MYH4: variants seen among roughly 807,000 people sequenced by gnomAD.
The protein encoded by MYH4 is myosin-4.
In MYH4, 200 loss-of-function variants were observed where a neutral mutation model predicts 229.9. The observed-to-expected ratio is 0.87, with a 90% CI of 0.78 to 0.98. The LOEUF is 0.98. Among genes scored for constraint, MYH4 ranks in the 50% least tolerant of loss-of-function variants. The probability of loss-of-function intolerance (pLI) is 0.00; values close to 1 mark genes in which losing one functional copy is unlikely to be tolerated. For missense variants in MYH4, 2,148 were observed against 2,332.6 expected (o/e 0.92, Z 1.63); for synonymous variants, 761 against 834.6 (o/e 0.91, Z 1.52).
intron 14 of MYH4, among the ~76,000 whole-genome samples, chr17:10,459,661 TATTTC>T (rs1309533097): frequency 6.6e-6 from 1 of 152,104 alleles, no homozygotes; most frequent in Non-Finnish European, 1.5e-5. Context: ...GACTCTGAAA[TATTTC>T]CTTAGAGTAA....
chr17:10,465,752 C>T (rs1241259757), intron 4 of MYH4, among the ~76,000 whole-genome samples, 154 bp from the exon 5 acceptor site: 1 of 147,002 alleles, frequency 6.8e-6, no homozygotes, highest in African/African-American at 2.5e-5. Context: ...TGCTGCTGCA[C>T]AAAATGCTTC....
chr17:10,451,530 C>A, intron 27 of MYH4, 78 bp from the exon 28 acceptor site: 1 of 1,472,558 alleles, frequency 6.8e-7, no homozygotes, highest in Non-Finnish European at 9.2e-7. Flanking sequence ...CTGTAACTAC[C>A]TGTGGAAAGG....
Position 10,451,412 on chromosome 17 carries a change from A to G in MYH4, c.3779T>C (p.Leu1260Pro). The G allele has an allele frequency of 6.2e-7, 1 of 1,613,958 alleles. No individual in the cohort carries two copies. Among genetic ancestry groups the G allele is most frequent in the East Asian group, 2.2e-5 (1 of 44,856 alleles). The stretch of plus-strand genomic sequence containing the variant: ...TTCTTCCTTTGTTTTTATTTCACTA[A>G]GCTGGTCCTCTAGGGTGCGGCACAT... The part of the protein sequence containing the change: ...EKMCRTLEDQ[L>P]SEIKTKEEEQ... Residue 1260 changes from leucine (L) to proline (P), a missense_variant, in exon 28 of 40, where the codon CTT (leucine) becomes CCT (proline). Leu to Pro is a moderately conservative substitution (Grantham distance 98, BLOSUM62 -3). Coordinates refer to ENST00000255381, the MANE Select transcript of MYH4 (RefSeq NM_017533.2).
In MYH4 at chr17:10,454,963, A is replaced by G. The variant is rs759421684; in HGVS notation, c.2413T>C (p.Phe805Leu). 1 of 1,614,038 alleles carries G rather than the reference A, an allele frequency of 6.2e-7. No homozygotes were observed. The highest frequency in any genetic ancestry group is 8.5e-7 in the Non-Finnish European group (1 of 1,180,024). The change falls in exon 21 of 40, where the codon TTC (phenylalanine) becomes CTC (leucine). Residue 805 changes from phenylalanine (F) to leucine (L), a missense_variant. Coordinates refer to ENST00000255381, the MANE Select transcript of MYH4 (RefSeq NM_017533.2). ...ICRGFLMRVE[F>L]RKMMERRESI... ...CACCTCCTCTCCATCATCTTTCTGA[A>G]CTCCACTCTCATCAGGAACCCTCTG...
At position 10,455,014 on chromosome 17, in the gene MYH4, G is replaced by C; in HGVS notation, c.2362C>G (p.Leu788Val). 1 of 1,614,204 alleles carries C rather than the reference G, an allele frequency of 6.2e-7. No individual in the cohort carries two copies. Among genetic ancestry groups the C allele is most frequent in the Non-Finnish European group, 8.5e-7 (1 of 1,180,038 alleles). The change falls in exon 21 of 40, where the codon CTC (leucine) becomes GTC (valine). Residue 788 changes from leucine to valine, a missense_variant. Leu to Val is a conservative substitution (Grantham distance 32). Coordinates refer to ENST00000255381, the MANE Select transcript of MYH4 (RefSeq NM_017533.2). ...EEMRDEKLAQ[L>V]ITRTQAICRG... is the part of the protein sequence containing the mutation. ...CATATGGCTTGAGTGCGCGTGATGA[G>C]TTGAGCTAGCTTTTCATCTCGCATT... is the stretch of plus-strand genomic sequence containing the variant.
At chr17:10,460,171 C>A (rs866542219) in intron 13 of MYH4, 32 bp downstream of exon 13, 1 of 1,613,178 alleles carries the variant, frequency 6.2e-7, no homozygotes, top group South Asian at 1.1e-5. Flanking sequence ...ACTTGCGGTT[C>A]AAATAAATCA....
rs1459066007 is a variant in MYH4, at chr17:10,453,506, G to T, written c.2934+137C>A. 4 of 1,548,858 alleles carry T rather than the reference G, an allele frequency of 2.6e-6. No homozygotes were observed. In the South Asian group the frequency reaches 4.7e-5, roughly 18 times the overall value. On this transcript the variant is annotated intron_variant, in intron 23 of 39. Coordinates refer to ENST00000255381, the MANE Select transcript of MYH4 (RefSeq NM_017533.2). ...GTAAAGGTCAAGTAAGTACATTGAGGTGGTGAAGACTAAAGAGATGAAATA... is the reference window on the plus strand; with the variant it reads ...GTAAAGGTCAAGTAAGTACATTGAGTTGGTGAAGACTAAAGAGATGAAATA...
At chr17:10,456,581 A>T in intron 16 of MYH4, 26 bp from the exon 17 acceptor site, 4 of 1,598,262 alleles carry the variant, frequency 2.5e-6, no homozygotes, top group Non-Finnish European at 3.4e-6. Context: ...GGAAAAATAA[A>T]GTTATTTGCA....
chr17:10,451,053 T>C (rs1345754983), intron 28 of MYH4, among the ~76,000 whole-genome samples, 158 bp from the exon 29 acceptor site: 1 of 152,186 alleles, frequency 6.6e-6, no homozygotes, highest in Non-Finnish European at 1.5e-5. Context: ...TTTTAAAAAA[T>C]GTATGAGTTT....
intron 25 of MYH4, 84 bp from the exon 26 acceptor site, chr17:10,452,590 CT>C: frequency 1.4e-6 from 2 of 1,381,868 alleles, no homozygotes; most frequent in Non-Finnish European, 2.0e-6. Flanking sequence ...TTTTTTTATA[CT>C]GCTGGTGTTG....
chr17:10,463,485 T>C (rs1367667834), intron 8 of MYH4, 66 bp downstream of exon 8: 4 of 1,576,302 alleles, frequency 2.5e-6, no homozygotes, highest in Non-Finnish European at 2.6e-6. Context: ...GTGGAAAAAA[T>C]ATTGACACCA....
In MYH4 at chr17:10,460,976, C is replaced by T; in HGVS notation, c.1087G>A (p.Gly363Arg). Residue 363 changes from glycine (G) to arginine (R), a missense_variant, in exon 12 of 40, where the codon GGG becomes AGG. Physicochemically the swap from Gly to Arg is moderately radical, Grantham distance 125. Coordinates refer to ENST00000255381, the MANE Select transcript of MYH4 (RefSeq NM_017533.2). The stretch of plus-strand genomic sequence containing the variant: ...TGCTTTTGCTTGAATTTCATGTTCC[C>T]ATAATGCATCACGGCTCCAGTGAGC... The part of the protein sequence containing the change: ...YKLTGAVMHY[G>R]NMKFKQKQRE... 6.2e-7 allele frequency: 1 copy of T among 1,614,124 alleles called. No homozygotes were observed. The highest frequency in any genetic ancestry group is 8.5e-7 in the Non-Finnish European group (1 of 1,180,004).
chr17:10,455,782 T>G (rs906881363), intron 18 of MYH4, 32 bp downstream of exon 18: 2 of 1,614,176 alleles, frequency 1.2e-6, no homozygotes, highest in Non-Finnish European at 1.7e-6. Flanking sequence ...GCACACACAC[T>G]GGAGCTTGTC....
intron 11 of MYH4, among the ~76,000 whole-genome samples, chr17:10,462,235 TAA>T (rs2072710973): frequency 6.6e-6 from 1 of 152,108 alleles, no homozygotes; most frequent in Middle Eastern, 3.2e-3. Context: ...GAAATATACA[TAA>T]AGTTTACATA....
chr17:10,447,975 C>T lies in MYH4; in HGVS notation c.4808G>A (p.Ser1603Asn), dbSNP rs146965064. 3,364 of 1,614,010 alleles carry T rather than the reference C, an allele frequency of 2.1e-3. 64 individuals carry two copies. In the African/African-American group the frequency reaches 0.039, roughly 19 times the overall value. The part of the protein sequence containing the change: ...NHLRVVESMQ[S>N]TLDAEIRSRN... ...GCTCCTGATCTCAGCATCCAGTGTA[C>T]TCTGCATTGACTCCACAACTCTGAG... is the stretch of plus-strand genomic sequence containing the variant. Residue 1603 changes from serine to asparagine, a missense_variant, in exon 34 of 40, where the codon AGT becomes AAT. Coordinates refer to ENST00000255381, the MANE Select transcript of MYH4 (RefSeq NM_017533.2).
chr17:10,444,762 T>G (rs1264208302), intron 38 of MYH4, 33 bp downstream of exon 38: 4 of 1,613,132 alleles, frequency 2.5e-6, no homozygotes, highest in Non-Finnish European at 2.5e-6. Context: ...TCTTGAAAAC[T>G]ATAGGCCTGG....
chr17:10,467,841 G>A (rs1356851286), intron 2 of MYH4, among the ~76,000 whole-genome samples: 1 of 152,168 alleles, frequency 6.6e-6, no homozygotes, highest in African/African-American at 2.4e-5. Context: ...TGATGGCAAG[G>A]ACAGGGTGAG....
chr17:10,459,268 T>C lies in MYH4; in HGVS notation c.1570A>G (p.Ile524Val). 1 of 1,614,088 alleles carries C rather than the reference T, an allele frequency of 6.2e-7. No homozygotes were observed. Among genetic ancestry groups the C allele is most frequent in the Middle Eastern group, 1.6e-4 (1 of 6,062 alleles). ...ATATGAACCTTCTCGATGAGCTCGA[T>C]GCAGGCAGCCAGGTCCATCCCGAAG... Reference protein sequence around the residue: ...IDFGMDLAACIELIEKPMGIF... With the variant: ...IDFGMDLAACVELIEKPMGIF... The change falls in exon 15 of 40, where the codon ATC (isoleucine) becomes GTC (valine). Residue 524 changes from isoleucine (I) to valine (V), a missense_variant. Transcript: ENST00000255381.
chr17:10,463,664 C>T, intron 7 of MYH4, 21 bp from the exon 8 acceptor site: 1 of 1,555,790 alleles, frequency 6.4e-7, no homozygotes, highest in Admixed American at 1.9e-5. Flanking sequence ...ATGAATAAGA[C>T]AGACAAAGAA....
Sources: allele counts gnomAD v4.1 joint callset (sites outside exome capture counted in the v4.1 genomes callset), GRCh38; gene constraint gnomAD v4.1.1; transcripts MANE v1.5; gene names NCBI Gene and HGNC (gene_info 2026-07-23, HGNC 2026-07-21).